The following DSCAML1 variants were observed in gnomAD, a reference collection of about 807,000 sequenced individuals.
The protein encoded by DSCAML1 is cell adhesion molecule DSCAML1.
DSCAML1 carries 38 observed loss-of-function variants against 200.5 expected under a neutral mutation model. The ratio of observed to expected loss-of-function variants is 0.19; its 90% CI spans 0.15 to 0.25. DSCAML1 has a LOEUF of 0.25. DSCAML1 is among the 10% of genes least tolerant of loss of function. The pLI is 1.00. For synonymous variants in DSCAML1, 1,215 were observed against 1,165.0 expected (o/e 1.04, Z -0.87); for missense variants, 2,223 against 2,858.8 (o/e 0.78, Z 5.07).
At chr11:117,766,649 G>A (rs536648694) in intron 3 of DSCAML1, among the ~76,000 whole-genome samples, 38 of 152,174 alleles carry the variant, frequency 2.5e-4, no homozygotes, top group Non-Finnish European at 4.3e-4. Context: ...GTGTGATCCC[G>A]GGGCAGAGCG....
Position 117,645,566 on chromosome 11 carries a change from A to G in DSCAML1, c.512-113044T>C, listed in dbSNP as rs541245181. Among the ~76,000 whole-genome samples the G allele has an allele frequency of 9.9e-5, 15 of 152,216 alleles. 1 individual carries two copies. In the South Asian group the frequency reaches 2.5e-3, roughly 25 times the overall value. The stretch of plus-strand genomic sequence containing the variant: ...ACATATACACCATGGAATACTATGC[A>G]GCCATAAAAAATGACGAGTTCATGT... On this transcript the variant is annotated intron_variant, in intron 3 of 32. Coordinates refer to ENST00000651296, the MANE Select transcript of DSCAML1 (RefSeq NM_020693.4).
chr11:117,553,802 G>C (rs2050510566), intron 3 of DSCAML1, among the ~76,000 whole-genome samples: 1 of 152,208 alleles, frequency 6.6e-6, no homozygotes, highest in African/African-American at 2.4e-5. Context: ...AAGTGTCTGG[G>C]TATACACCCA....
At chr11:117,515,256 G>A (rs779205339) in intron 8 of DSCAML1, among the ~76,000 whole-genome samples, 5 of 152,128 alleles carry the variant, frequency 3.3e-5, no homozygotes, top group Admixed American at 1.3e-4. Flanking sequence ...CATCACAGCC[G>A]TGGCTGACTC....
intron 3 of DSCAML1, among the ~76,000 whole-genome samples, chr11:117,618,999 C>T (rs2051869486): frequency 6.6e-6 from 1 of 152,206 alleles, no homozygotes; most frequent in Admixed American, 6.5e-5. Flanking sequence ...CCTTCCCCAA[C>T]GCACCCAGCC....
At chr11:117,574,095 A>C (rs1477713573) in intron 3 of DSCAML1, among the ~76,000 whole-genome samples, 1 of 151,856 alleles carries the variant, frequency 6.6e-6, no homozygotes, top group Non-Finnish European at 1.5e-5. Flanking sequence ...GTGTCCACCC[A>C]CCCTTCCACC....
At chr11:117,476,985 T>C (rs1436944322) in intron 14 of DSCAML1, among the ~76,000 whole-genome samples, 3 of 152,120 alleles carry the variant, frequency 2.0e-5, no homozygotes, top group African/African-American at 2.4e-5. Flanking sequence ...GGCTGGGTGC[T>C]AGGCACCTCC....
chr11:117,498,693 G>A lies in DSCAML1; in HGVS notation c.2359+5152C>T, dbSNP rs570547086. On this transcript the variant is annotated intron_variant, in intron 11 of 32. Coordinates refer to ENST00000651296, the MANE Select transcript of DSCAML1 (RefSeq NM_020693.4). This position sits in a 1 kb window ranked among gnomAD's most constrained non-coding sequence, Gnocchi z 4.0. Reference sequence around the variant, plus strand: ...TGGGTGACCTGGTCCACGGAGGCCCGAGGGCTTCCTTTGCTAGGCCCGCCC... The same window carrying A: ...TGGGTGACCTGGTCCACGGAGGCCCAAGGGCTTCCTTTGCTAGGCCCGCCC... Among the ~76,000 whole-genome samples the A allele has an allele frequency of 1.3e-5, 2 of 152,228 alleles. No homozygotes were observed. The highest frequency in any genetic ancestry group is 2.1e-4 in the South Asian group (1 of 4,814).
chr11:117,718,779 T>C (rs540749489), intron 3 of DSCAML1, among the ~76,000 whole-genome samples: 15 of 149,184 alleles, frequency 1.0e-4, no homozygotes, highest in Non-Finnish European at 1.6e-4. Flanking sequence ...AGTGAAGCAG[T>C]GTGGAAATTA....
chr11:117,650,692 T>TGTGTGTGTGTGTGTGC (rs1555194688), intron 3 of DSCAML1, among the ~76,000 whole-genome samples: 1 of 141,790 alleles, frequency 7.1e-6, no homozygotes, highest in Admixed American at 7.2e-5. Context: ...TGTGTGTGTG[T>TGTGTGTGTGTGTGTGC]GTGTGTGTGC....
intron 3 of DSCAML1, among the ~76,000 whole-genome samples, chr11:117,558,504 G>A (rs1242162111): frequency 8.5e-5 from 13 of 152,174 alleles, no homozygotes; most frequent in Admixed American, 8.5e-4. Flanking sequence ...GGTGGCTCAC[G>A]CCTGTAATTC....
intron 1 of DSCAML1, among the ~76,000 whole-genome samples, chr11:117,804,127 T>C (rs2055687254): frequency 6.6e-6 from 1 of 152,238 alleles, no homozygotes; most frequent in Non-Finnish European, 1.5e-5. Flanking sequence ...TTCCACCTGC[T>C]GGAGGCCAAA....
intron 3 of DSCAML1, among the ~76,000 whole-genome samples, chr11:117,568,069 A>G (rs1245039247): frequency 6.6e-6 from 1 of 152,224 alleles, no homozygotes; most frequent in Non-Finnish European, 1.5e-5. Context: ...CTGGTTCAAT[A>G]TACACAAATC....
intron 3 of DSCAML1, among the ~76,000 whole-genome samples, chr11:117,740,600 C>G (rs910688850): frequency 6.6e-6 from 1 of 152,204 alleles, no homozygotes; most frequent in African/African-American, 2.4e-5. Context: ...ATTACTGATG[C>G]TGTCAACCCC....
At chr11:117,514,458 G>A (rs550513258) in intron 8 of DSCAML1, among the ~76,000 whole-genome samples, 11 of 151,506 alleles carry the variant, frequency 7.3e-5, no homozygotes, top group Admixed American at 4.6e-4. Context: ...CCTCCAGCCT[G>A]TCCTTTCCCT....
chr11:117,772,749 G>A (rs1169316540), intron 3 of DSCAML1, among the ~76,000 whole-genome samples: 8 of 152,226 alleles, frequency 5.3e-5, no homozygotes, highest in African/African-American at 1.9e-4. Context: ...AGCTTCACTG[G>A]AGGCGTTAAT....
rs373746129 is a variant in DSCAML1 at position 117,439,284 on chromosome 11, C to T, written c.4126G>A (p.Val1376Ile). 1.7e-5 allele frequency: 27 copies of T among 1,613,872 alleles called. No individual in the cohort carries two copies. The highest frequency in any genetic ancestry group is 4.4e-5 in the South Asian group (4 of 91,078). ...TNTGGFDTII[V>I]NLLVQVPPDQ... Reference sequence around the variant, plus strand: ...GCCTCACCTTGCACCAGAAGGTTGACGATGATGGTGTCAAAGCCACCAGTG... The same window carrying T: ...GCCTCACCTTGCACCAGAAGGTTGATGATGATGGTGTCAAAGCCACCAGTG... The change falls in exon 23 of 33, where the codon GTC becomes ATC. Residue 1376 changes from valine to isoleucine, a missense_variant. Around this residue, in one of 7 missense-constraint regions of DSCAML1, gnomAD observed 614 missense variants for 739.1 expected, o/e 0.83. Transcript: ENST00000651296.
chr11:117,442,214 AGTGTGTCTAGT>A (rs767011764), intron 21 of DSCAML1, among the ~76,000 whole-genome samples: 6 of 133,928 alleles, frequency 4.5e-5, no homozygotes, highest in African/African-American at 1.1e-4. Context: ...TGCATGTATT[AGTGTGTCTAGT>A]GTGTGTGTGC....
chr11:117,559,910 G>C (rs1485790745), intron 3 of DSCAML1, among the ~76,000 whole-genome samples: 1 of 152,158 alleles, frequency 6.6e-6, no homozygotes, highest in Non-Finnish European at 1.5e-5. Flanking sequence ...CTAGAGTTGG[G>C]GGGAGGGGCA....
At chr11:117,737,913 A>G (rs1319608581) in intron 3 of DSCAML1, among the ~76,000 whole-genome samples, 1 of 152,144 alleles carries the variant, frequency 6.6e-6, no homozygotes, top group Non-Finnish European at 1.5e-5. Flanking sequence ...GTAGATACTT[A>G]TTACACACAC....
Sources: allele counts gnomAD v4.1 joint callset (sites outside exome capture counted in the v4.1 genomes callset), GRCh38; gene constraint gnomAD v4.1.1; regional missense constraint gnomAD v4.1.1; non-coding constraint Gnocchi (gnomAD v3.1); transcripts MANE v1.5; gene names NCBI Gene and HGNC (gene_info 2026-07-23, HGNC 2026-07-21).